Variants in DMXL2 observed in about 807,000 individuals in gnomAD.
DMXL2 encodes the protein Dmx like 2.
In DMXL2, 103 loss-of-function variants were observed where a neutral mutation model predicts 331.1. The ratio of observed to expected loss-of-function variants is 0.31; its 90% CI spans 0.27 to 0.37. The LOEUF is 0.37. Among genes scored for constraint, DMXL2 ranks in the 10% least tolerant of loss-of-function variants. The pLI is 1.00. For missense variants in DMXL2, 3,171 were observed against 3,642.9 expected (o/e 0.87, Z 3.33); for synonymous variants, 1,281 against 1,252.1 (o/e 1.02, Z -0.49).
At chr15:51,602,054 C>A (rs2053263983) in intron 1 of DMXL2, among the ~76,000 whole-genome samples, 1 of 152,078 alleles carries the variant, frequency 6.6e-6, no homozygotes, top group Non-Finnish European at 1.5e-5. Context: ...CTTGATGCAG[C>A]CATAAAACAT....
chr15:51,471,958 T>C (rs1285943238), intron 28 of DMXL2, among the ~76,000 whole-genome samples: 1 of 152,162 alleles, frequency 6.6e-6, no homozygotes, highest in African/African-American at 2.4e-5. Flanking sequence ...AACTTATGTT[T>C]TGGGCAATTC....
intron 6 of DMXL2, among the ~76,000 whole-genome samples, chr15:51,557,464 C>T (rs570940634): frequency 6.6e-6 from 1 of 152,258 alleles, no homozygotes; most frequent in South Asian, 2.1e-4. Flanking sequence ...CTGACCTACA[C>T]AGTCAATGTA....
At chr15:51,453,474 A>T (rs977558174) in intron 41 of DMXL2, 76 bp downstream of exon 41, 1 of 1,114,500 alleles carries the variant, frequency 9.0e-7, no homozygotes, top group African/African-American at 1.6e-5. Flanking sequence ...AACCCTACTA[A>T]TAGAAAAGTA....
Position 51,480,939 on chromosome 15 carries a change from C to T in DMXL2, c.6167G>A (p.Arg2056Lys), listed in dbSNP as rs1362044467. The T allele has an allele frequency of 1.2e-6, 2 of 1,613,688 alleles. No individual in the cohort carries two copies. The highest frequency in any genetic ancestry group is 2.2e-5 in the South Asian group (2 of 90,982). Residue 2056 changes from arginine to lysine, a missense_variant, in exon 24 of 44, where the codon AGA becomes AAA. By Grantham distance (26) the Arg-to-Lys change is conservative. This residue lies in a region of DMXL2 where 20 missense variants were observed against 46.3 expected (regional missense o/e 0.43). Transcript: ENST00000560891. ...ACLKILMTELRTLATGYEVDG... is the reference protein window; with the variant it reads ...ACLKILMTELKTLATGYEVDG... ...TACTTCATAACCTGTAGCCAATGTT[C>T]TTAATTCAGTCATAAGGATCTTTAA...
chr15:51,618,798 T>C (rs2054450014), intron 1 of DMXL2, among the ~76,000 whole-genome samples: 1 of 152,224 alleles, frequency 6.6e-6, no homozygotes, highest in African/African-American at 2.4e-5. Flanking sequence ...AAACCTCTTC[T>C]TGTTTTCCCA....
In DMXL2 at chr15:51,450,261, G is replaced by T. The variant is rs770426518; in HGVS notation, c.8835C>A (p.His2945Gln). Reference sequence around the variant, plus strand: ...TTTGCCTGATGTCAAAAATGCAGACGTGTCCTTTCCTACCCCCCGAGATTA... The same window carrying T: ...TTTGCCTGATGTCAAAAATGCAGACTTGTCCTTTCCTACCCCCCGAGATTA... Reference protein sequence around the residue: ...QLLISGGRKGHVCIFDIRQRQ... With the variant: ...QLLISGGRKGQVCIFDIRQRQ... Residue 2945 changes from histidine (H) to glutamine (Q), a missense_variant, in exon 43 of 44, where the codon CAC (histidine) becomes CAA (glutamine). His to Gln is a conservative substitution (Grantham distance 24). Around this residue, in one of 7 missense-constraint regions of DMXL2, gnomAD observed 766 missense variants for 940.5 expected, o/e 0.81. Coordinates refer to ENST00000560891, the MANE Select transcript of DMXL2 (RefSeq NM_001378457.1). 20 of 1,613,850 alleles carry T rather than the reference G, an allele frequency of 1.2e-5. 1 individual carries two copies. The South Asian group carries it at 2.0e-4, about 16-fold the overall frequency.
intron 17 of DMXL2, among the ~76,000 whole-genome samples, chr15:51,500,816 C>G (rs2043537369): frequency 6.6e-6 from 1 of 152,202 alleles, no homozygotes; most frequent in South Asian, 2.1e-4. Context: ...CTATTCCTGA[C>G]TGCCAAAGAC....
chr15:51,498,742 T>C lies in DMXL2; in HGVS notation c.4482A>G (p.Lys1494=), dbSNP rs1237124213. Residue 1494 remains lysine, a synonymous_variant, in exon 18 of 44, where the codon AAA becomes AAG. Transcript: ENST00000560891. ...LEPEKRENKS[K]VINLSQYGPA... is the part of the protein sequence containing the mutation. ...GTCCATATTGAGAAAGATTTATTAC[T>C]TTTGATTTGTTTTCTCTCTTTTCAG... 9 of 1,614,188 alleles carry C rather than the reference T, an allele frequency of 5.6e-6. No homozygotes were observed. The highest frequency in any genetic ancestry group is 1.6e-4 in the Middle Eastern group (1 of 6,062).
At chr15:51,594,790 A>G (rs939678353) in intron 1 of DMXL2, among the ~76,000 whole-genome samples, 25 of 152,248 alleles carry the variant, frequency 1.6e-4, no homozygotes, top group Non-Finnish European at 3.2e-4. Flanking sequence ...AATCCAGCAT[A>G]TAAACAGAAC....
chr15:51,608,668 C>T (rs183448844), intron 1 of DMXL2, among the ~76,000 whole-genome samples: 1 of 152,028 alleles, frequency 6.6e-6, no homozygotes, highest in Admixed American at 6.6e-5. Flanking sequence ...ACCTGGGTGA[C>T]AAAATAATCT....
At chr15:51,489,634 G>A (rs541212219) in intron 20 of DMXL2, among the ~76,000 whole-genome samples, 7 of 151,302 alleles carry the variant, frequency 4.6e-5, no homozygotes, top group South Asian at 2.1e-4. Flanking sequence ...CAGCCTGGGC[G>A]ACAGTGCAAG....
intron 15 of DMXL2, among the ~76,000 whole-genome samples, chr15:51,512,107 G>A (rs1596070427): frequency 6.6e-6 from 1 of 152,046 alleles, no homozygotes; most frequent in Non-Finnish European, 1.5e-5. Flanking sequence ...GGGTTGATAG[G>A]TGCAGCAAAC....
intron 36 of DMXL2, 104 bp downstream of exon 36, chr15:51,458,402 A>C (rs1299221776): frequency 4.8e-6 from 6 of 1,243,236 alleles, no homozygotes; most frequent in East Asian, 2.4e-5. Context: ...ACCCAAATGA[A>C]GGAGATACAC....
At chr15:51,575,571 G>A (rs558286047) in intron 2 of DMXL2, among the ~76,000 whole-genome samples, 4 of 152,196 alleles carry the variant, frequency 2.6e-5, no homozygotes, top group African/African-American at 7.2e-5. Context: ...TTTAAAGCCT[G>A]AATGAACCAT....
chr15:51,506,610 C>T (rs891799219), intron 16 of DMXL2, among the ~76,000 whole-genome samples: 8 of 152,038 alleles, frequency 5.3e-5, no homozygotes, highest in Non-Finnish European at 7.4e-5. Context: ...CCCGCCACCA[C>T]GCCCGGCTAA....
chr15:51,594,113 T>C (rs1457335582), intron 1 of DMXL2, among the ~76,000 whole-genome samples: 1 of 152,028 alleles, frequency 6.6e-6, no homozygotes, highest in Non-Finnish European at 1.5e-5. Context: ...TTCAAAAAAA[T>C]CAATGAATCC....
At chr15:51,471,194 T>G (rs1445305788) in intron 29 of DMXL2, 29 bp downstream of exon 29, 1 of 1,594,936 alleles carries the variant, frequency 6.3e-7, no homozygotes, top group Admixed American at 1.7e-5. Flanking sequence ...TAGACTTCTC[T>G]TAAAGCTTGC....
rs180977482 is a variant in DMXL2, at chr15:51,591,481, C to A, written c.88-15300G>T. Among the ~76,000 whole-genome samples the A allele has an allele frequency of 3.2e-3, 488 of 152,288 alleles. 4 individuals are homozygous for A. The highest frequency in any genetic ancestry group is 0.011 in the African/African-American group (456 of 41,562). ...ACCTCAGTTCAAGGAGGCCTGCCTG[C>A]CTCTGTAGACTCCACCTGTGGGGGC... On this transcript the variant is annotated intron_variant, in intron 1 of 43. Coordinates refer to ENST00000560891, the MANE Select transcript of DMXL2 (RefSeq NM_001378457.1).
intron 37 of DMXL2, 94 bp downstream of exon 37, chr15:51,457,234 C>T (rs1169044125): frequency 7.5e-7 from 1 of 1,324,860 alleles, no homozygotes; most frequent in African/African-American, 1.5e-5. Flanking sequence ...TGGTGTTTGT[C>T]CCTGAAATTT....
Sources: allele counts gnomAD v4.1 joint callset (sites outside exome capture counted in the v4.1 genomes callset), GRCh38; gene constraint gnomAD v4.1.1; regional missense constraint gnomAD v4.1.1; transcripts MANE v1.5; gene names NCBI Gene and HGNC (gene_info 2026-07-23, HGNC 2026-07-21).